Variants in DLEU7 observed in about 807,000 individuals in gnomAD.
The protein encoded by DLEU7 is leukemia-associated protein 7.
A neutral mutation model predicts 16.0 loss-of-function variants in DLEU7; 17 were observed. The observed-to-expected ratio is 1.06, with a 90% confidence interval of 0.73 to 1.59. The LOEUF is 1.59. Ranked by LOEUF, DLEU7 falls within the 40% of genes most tolerant of loss-of-function variation. The probability of loss-of-function intolerance (pLI) is 0.00; values close to 1 mark genes in which losing one functional copy is unlikely to be tolerated. For synonymous variants in DLEU7, 113 were observed against 139.8 expected (o/e 0.81, Z 1.35); for missense variants, 308 against 314.9 (o/e 0.98, Z 0.17).
At position 50,823,367 on chromosome 13, in the gene DLEU7, T is replaced by G. The variant is rs533907464; in HGVS notation, c.613A>C (p.Met205Leu). Reference protein sequence around the residue: ...SLANFPSDAHMVACASLRQIL... With the variant: ...SLANFPSDAHLVACASLRQIL... ...TGTCTCAAGGAAGCACAGGCTACCA[T>G]GTGGGCATCTGAAGGAAAATTAGCA... Residue 205 changes from methionine to leucine, a missense_variant, in exon 2 of 2, where the codon ATG becomes CTG. Physicochemically the swap from Met to Leu is conservative, Grantham distance 15. Coordinates refer to ENST00000504404, the MANE Select transcript of DLEU7 (RefSeq NM_001306135.2). 15 of 1,535,796 alleles carry G rather than the reference T, an allele frequency of 9.8e-6. No individual in the cohort carries two copies. The highest frequency in any genetic ancestry group is 2.4e-5 in the South Asian group (2 of 84,070).
intron 1 of DLEU7, chr13:50,840,216 G>A (rs926343555): frequency 1.3e-5 from 2 of 152,136 alleles, no homozygotes; most frequent in African/African-American, 4.8e-5. Context: ...CCATTCTATT[G>A]TATAAAATCT....
At chr13:50,777,098 C>T (rs1875524285) in intron 1 of DLEU7, among the ~76,000 whole-genome samples, 1 of 152,214 alleles carries the variant, frequency 6.6e-6, no homozygotes, top group Non-Finnish European at 1.5e-5. Flanking sequence ...ATGGCCACTA[C>T]AGCACCCTAC....
chr13:50,786,194 C>T (rs1875790226), intron 1 of DLEU7, among the ~76,000 whole-genome samples: 1 of 152,128 alleles, frequency 6.6e-6, no homozygotes, highest in Non-Finnish European at 1.5e-5. Context: ...ACCCCATCAT[C>T]AAAGAGCCTG....
Position 50,843,079 on chromosome 13 carries a change from A to C in DLEU7, c.459+109T>G. On this transcript the variant is annotated intron_variant, in intron 1 of 1. Transcript: ENST00000504404. This position sits in a 1 kb window ranked among gnomAD's most constrained non-coding sequence, Gnocchi z 5.7. ...CCACTGGGGCTGAATCACAGTGGGC[A>C]GCAGTGTTTGGGATCCTGCGATCCA... 1 of 1,071,624 alleles carries C rather than the reference A, an allele frequency of 9.3e-7. No homozygotes were observed. Among genetic ancestry groups the C allele is most frequent in the Non-Finnish European group, 1.3e-6 (1 of 774,906 alleles). 66.4% of individuals were successfully genotyped at this position (1,071,624 alleles called of 1,614,324 possible). A position where few individuals can be genotyped will look rare whatever the true frequency, so the allele number is the denominator to read the frequency against.
chr13:50,830,843 G>C (rs190298422), intron 1 of DLEU7, among the ~76,000 whole-genome samples: 98 of 152,276 alleles, frequency 6.4e-4, no homozygotes, highest in African/African-American at 2.2e-3. Context: ...AGGGGATGGA[G>C]ACACAGTTCA....
chr13:50,754,528 CT>C (rs1267089921), intron 1 of DLEU7, among the ~76,000 whole-genome samples: 6 of 152,144 alleles, frequency 3.9e-5, no homozygotes, highest in Non-Finnish European at 7.4e-5. Context: ...CATAAAATGC[CT>C]TTTTCCACCC....
downstream of DLEU7, chr13:50,818,506 G>A (rs890622603): frequency 3.3e-5 from 5 of 152,100 alleles, no homozygotes; most frequent in African/African-American, 1.2e-4. Flanking sequence ...TTATTGAGCT[G>A]TTAACCTGTT....
At chr13:50,735,069 T>C (rs1874025579) in intron 1 of DLEU7, among the ~76,000 whole-genome samples, 1 of 152,140 alleles carries the variant, frequency 6.6e-6, no homozygotes, top group Non-Finnish European at 1.5e-5. Flanking sequence ...GGACATTTCA[T>C]AATGATAAAA....
intron 1 of DLEU7, among the ~76,000 whole-genome samples, chr13:50,787,972 C>A (rs1376552040): frequency 6.6e-6 from 1 of 152,186 alleles, no homozygotes; most frequent in Non-Finnish European, 1.5e-5. Context: ...TAAGCCCAAG[C>A]CAGTAGCCTA....
rs376328219 is a variant in DLEU7 at position 50,777,389 on chromosome 13, G to A, written c.460-64149C>T. On this transcript the variant is annotated intron_variant, in intron 1 of 1. Transcript: ENST00000400393. ...AAAGCAGGCAGAAAAACGTGAAAAG[G>A]CTAGACTGGCTTAGCCTCCCAACCT... Among the ~76,000 whole-genome samples the A allele has an allele frequency of 1.1e-4, 16 of 152,250 alleles. No individual in the cohort carries two copies. In the East Asian group the frequency reaches 2.1e-3, roughly 20 times the overall value.
intron 1 of DLEU7, among the ~76,000 whole-genome samples, chr13:50,727,214 C>CGTGTGTGTGT (rs3990136): frequency 1.3e-4 from 19 of 150,174 alleles, no homozygotes; most frequent in Admixed American, 4.6e-4. Flanking sequence ...CTCTTGCATA[C>CGTGTGTGTGT]GTGTGTGTGT....
chr13:50,732,661 T>C (rs1024263211), intron 1 of DLEU7, among the ~76,000 whole-genome samples: 2 of 150,282 alleles, frequency 1.3e-5, no homozygotes, highest in African/African-American at 4.9e-5. Flanking sequence ...ATGCAAGACT[T>C]GAAAGAATGA....
chr13:50,781,816 T>A (rs1875656643), intron 1 of DLEU7, among the ~76,000 whole-genome samples: 1 of 152,242 alleles, frequency 6.6e-6, no homozygotes, highest in South Asian at 2.1e-4. Context: ...TCTACTGAAT[T>A]GTTTTATTTG....
intron 1 of DLEU7, among the ~76,000 whole-genome samples, chr13:50,757,602 C>T (rs1448833709): frequency 3.9e-5 from 6 of 152,210 alleles, no homozygotes; most frequent in African/African-American, 1.2e-4. Flanking sequence ...GCACACTATT[C>T]GTCATGCTTG....
intron 1 of DLEU7, among the ~76,000 whole-genome samples, chr13:50,719,912 A>G (rs1473400225): frequency 6.6e-6 from 1 of 152,226 alleles, no homozygotes; most frequent in Non-Finnish European, 1.5e-5. Context: ...GAAGCATGCT[A>G]AAACAAGCTG....
intron 1 of DLEU7, among the ~76,000 whole-genome samples, chr13:50,772,272 G>A (rs1875340167): frequency 6.6e-6 from 1 of 152,088 alleles, no homozygotes. Flanking sequence ...TAAATTTAAG[G>A]TTAATATTGT....
intron 1 of DLEU7, chr13:50,719,584 T>C (rs1873535931): frequency 6.6e-6 from 1 of 152,226 alleles, no homozygotes; most frequent in Non-Finnish European, 1.5e-5. Flanking sequence ...TTTGAATGTG[T>C]ATTTGGGTCC....
Position 50,761,053 on chromosome 13 carries a change from C to A in DLEU7, c.460-47813G>T, listed in dbSNP as rs574902289. On this transcript the variant is annotated intron_variant, in intron 1 of 1. Coordinates refer to the DLEU7 transcript ENST00000400393. ...GATGGGGGAGGCCATGTGGTCCACACTGTATTTGCCTGAAGGAGAAACACA... is the reference window on the plus strand; with the variant it reads ...GATGGGGGAGGCCATGTGGTCCACAATGTATTTGCCTGAAGGAGAAACACA... Among the ~76,000 whole-genome samples, 27 of 152,328 alleles carry A rather than the reference C, an allele frequency of 1.8e-4. 1 individual carries two copies. The South Asian group carries it at 5.4e-3, about 30-fold the overall frequency.
intron 1 of DLEU7, among the ~76,000 whole-genome samples, chr13:50,758,524 G>A (rs1874830000): frequency 6.6e-6 from 1 of 152,206 alleles, no homozygotes; most frequent in Non-Finnish European, 1.5e-5. Flanking sequence ...TGGCTCAGTA[G>A]CTTTCATGAA....
Sources: allele counts gnomAD v4.1 joint callset (sites outside exome capture counted in the v4.1 genomes callset), GRCh38; gene constraint gnomAD v4.1.1; non-coding constraint Gnocchi (gnomAD v3.1); transcripts MANE v1.5; gene names NCBI Gene and HGNC (gene_info 2026-07-23, HGNC 2026-07-21).